Variants in RTKN2 observed in about 807,000 individuals in gnomAD.
The protein encoded by RTKN2 is rhotekin-2.
RTKN2 carries 69 observed loss-of-function variants against 71.5 expected under a neutral mutation model. That is an observed-to-expected ratio of 0.96 (90% confidence interval 0.79 to 1.18). The LOEUF is 1.18. Among genes scored for constraint, RTKN2 ranks in the 50% most tolerant of loss-of-function variants. The pLI is 0.00. For missense variants in RTKN2, 724 were observed against 719.7 expected, an observed-to-expected ratio of 1.01 and a Z score of -0.07; for synonymous variants, 236 against 236.5, an observed-to-expected ratio of 1.00 and a Z score of 0.02.
chr10:62,207,732 TA>T (rs1841576800), intron 9 of RTKN2, among the ~76,000 whole-genome samples: 1 of 152,054 alleles, frequency 6.6e-6, no homozygotes, highest in African/African-American at 2.4e-5. Flanking sequence ...AGTAAATGGC[TA>T]AAAAATATTT....
At chr10:62,202,129 A>G (rs550488094) in intron 10 of RTKN2, among the ~76,000 whole-genome samples, 1 of 152,242 alleles carries the variant, frequency 6.6e-6, no homozygotes, top group South Asian at 2.1e-4. Context: ...CTCCACTCCT[A>G]TTGACCATCC....
intron 2 of RTKN2, among the ~76,000 whole-genome samples, chr10:62,255,753 G>C (rs1232790881): frequency 6.6e-6 from 1 of 152,164 alleles, no homozygotes; most frequent in East Asian, 1.9e-4. Flanking sequence ...GAAGAAAGCT[G>C]GCAACTGCCA....
At chr10:62,252,579 C>T (rs1366289474) in intron 2 of RTKN2, among the ~76,000 whole-genome samples, 1 of 151,536 alleles carries the variant, frequency 6.6e-6, no homozygotes, top group Non-Finnish European at 1.5e-5. Flanking sequence ...TAAATATTAT[C>T]CATTCCACCA....
In RTKN2 at chr10:62,193,653, C is replaced by G. The variant is rs1025194418; in HGVS notation, c.*4255G>C. On this transcript the variant is annotated 3_prime_UTR_variant, in exon 12 of 12. Coordinates refer to ENST00000373789, the MANE Select transcript of RTKN2 (RefSeq NM_145307.4). ...TGAGGCGCTCTGCAGGAATAAAGTA[C>G]TGAGGGAGGTACATTAAAATAAGGA... 5.1e-6 allele frequency: 5 copies of G among 985,150 alleles called. No homozygotes were observed. In the African/African-American group the frequency reaches 8.7e-5, roughly 17 times the overall value. 61.0% of individuals were successfully genotyped at this position (985,150 alleles called of 1,614,324 possible). A position where few individuals can be genotyped will look rare whatever the true frequency, so the allele number is the denominator to read the frequency against.
chr10:62,217,964 G>T (rs963929845), intron 8 of RTKN2, among the ~76,000 whole-genome samples: 8 of 152,104 alleles, frequency 5.3e-5, no homozygotes, highest in Non-Finnish European at 1.0e-4. Flanking sequence ...TGAAGCAGAG[G>T]AGCATGGAGA....
chr10:62,214,020 G>A (rs796440843), intron 9 of RTKN2, among the ~76,000 whole-genome samples: 39 of 151,996 alleles, frequency 2.6e-4, no homozygotes, highest in African/African-American at 7.7e-4. Flanking sequence ...AAATTCAAAG[G>A]AAGCCTGAAG....
At chr10:62,201,356 G>T (rs1841437964) in intron 10 of RTKN2, among the ~76,000 whole-genome samples, 1 of 152,068 alleles carries the variant, frequency 6.6e-6, no homozygotes, top group African/African-American at 2.4e-5. Flanking sequence ...AAGCCTTTCA[G>T]TATGTTTTAT....
At chr10:62,243,570 C>A (rs1842422503) in intron 3 of RTKN2, among the ~76,000 whole-genome samples, 1 of 151,996 alleles carries the variant, frequency 6.6e-6, no homozygotes, top group South Asian at 2.1e-4. Flanking sequence ...TATCCCATGC[C>A]GAAGAGAGGA....
At chr10:62,254,235 G>A (rs553073038) in intron 2 of RTKN2, among the ~76,000 whole-genome samples, 39 of 152,268 alleles carry the variant, frequency 2.6e-4, no homozygotes, top group African/African-American at 8.7e-4. Flanking sequence ...ATTGAATCAT[G>A]GGGGCGGATT....
intron 2 of RTKN2, among the ~76,000 whole-genome samples, chr10:62,257,617 A>T (rs2133080158): frequency 6.6e-6 from 1 of 152,350 alleles, no homozygotes; most frequent in Middle Eastern, 3.4e-3. Flanking sequence ...TAAAGCAGAA[A>T]TTGAAAGATA....
intron 2 of RTKN2, among the ~76,000 whole-genome samples, chr10:62,255,346 T>C (rs1280705549): frequency 6.6e-6 from 1 of 152,120 alleles, no homozygotes; most frequent in South Asian, 2.1e-4. Flanking sequence ...GATTCACCAG[T>C]AAAGGGAGCC....
intron 7 of RTKN2, among the ~76,000 whole-genome samples, chr10:62,221,665 A>C (rs1480901748): frequency 1.3e-5 from 2 of 152,202 alleles, no homozygotes; most frequent in Non-Finnish European, 2.9e-5. Context: ...AAAAATCCAC[A>C]ATCACAGAAG....
At chr10:62,191,690 C>T (rs376002578), downstream of RTKN2, among the ~76,000 whole-genome samples, 1 of 152,260 alleles carries the variant, frequency 6.6e-6, no homozygotes. Context: ...CCGGAATTCA[C>T]GTGAGCTTAA....
intron 7 of RTKN2, among the ~76,000 whole-genome samples, chr10:62,221,804 TAAAA>T (rs1841914201): frequency 6.6e-6 from 1 of 151,844 alleles, no homozygotes; most frequent in Non-Finnish European, 1.5e-5. Flanking sequence ...GAATGAGAAT[TAAAA>T]AACAGAGATG....
chr10:62,261,379 T>A (rs138959110), intron 2 of RTKN2, among the ~76,000 whole-genome samples: 2,297 of 152,210 alleles, frequency 0.015, 52 homozygotes, highest in African/African-American at 0.052. Flanking sequence ...CAGTGGCTCA[T>A]GCCTGTAATC....
intron 1 of RTKN2, among the ~76,000 whole-genome samples, chr10:62,266,322 C>G (rs1842867850): frequency 6.6e-6 from 1 of 152,112 alleles, no homozygotes; most frequent in East Asian, 1.9e-4. Context: ...CTAAAAAAAC[C>G]TGAAGTTGAA....
rs1841327711 is a variant in RTKN2, at chr10:62,196,191, A to T, written c.*1717T>A. 1.0e-6 allele frequency: 1 copy of T among 977,016 alleles called. No individual in the cohort carries two copies. The highest frequency in any genetic ancestry group is 1.8e-5 in the African/African-American group (1 of 57,036). 60.5% of individuals were successfully genotyped at this position (977,016 alleles called of 1,614,324 possible). A position where few individuals can be genotyped will look rare whatever the true frequency, so the allele number is the denominator to read the frequency against. On this transcript the variant is annotated 3_prime_UTR_variant, in exon 12 of 12. Coordinates refer to ENST00000373789, the MANE Select transcript of RTKN2 (RefSeq NM_145307.4). Reference sequence around the variant, plus strand: ...AAAAAATAACCCAAAAATTCAAACAATAATATCCTTTAGATTTTTAATGTC... The same window carrying T: ...AAAAAATAACCCAAAAATTCAAACATTAATATCCTTTAGATTTTTAATGTC...
In RTKN2 at chr10:62,196,166, A is replaced by T; in HGVS notation, c.*1742T>A. On this transcript the variant is annotated 3_prime_UTR_variant, in exon 12 of 12. Transcript: ENST00000373789. ...CTGTCAAAAACAGCAATGAAGTTTT[A>T]AAAAATAACCCAAAAATTCAAACAA... The T allele has an allele frequency of 1.0e-6, 1 of 980,388 alleles. No homozygotes were observed. 60.7% of individuals were successfully genotyped at this position (980,388 alleles called of 1,614,324 possible).
downstream of RTKN2, among the ~76,000 whole-genome samples, chr10:62,189,226 T>G (rs1021846755): frequency 2.0e-5 from 3 of 152,174 alleles, no homozygotes; most frequent in Admixed American, 2.0e-4. Context: ...ATCCCTGCTC[T>G]CTTCCCACCA....
Sources: allele counts gnomAD v4.1 joint callset (sites outside exome capture counted in the v4.1 genomes callset), GRCh38; gene constraint gnomAD v4.1.1; transcripts MANE v1.5; gene names NCBI Gene and HGNC (gene_info 2026-07-23, HGNC 2026-07-21).